Variants in BPIFB4 observed in about 807,000 individuals in gnomAD.
The protein encoded by BPIFB4 is BPI fold containing family B member 4.
BPIFB4 carries 62 observed loss-of-function variants against 69.2 expected under a neutral mutation model. The ratio of observed to expected loss-of-function variants is 0.90; its 90% confidence interval spans 0.73 to 1.11. BPIFB4 has a LOEUF of 1.11. BPIFB4 is among the 50% of genes least tolerant of loss of function. The probability of loss-of-function intolerance (pLI) is 0.00; values close to 1 mark genes in which losing one functional copy is unlikely to be tolerated. For missense variants in BPIFB4, 789 were observed against 792.0 expected, an observed-to-expected ratio of 1.00 and a Z score of 0.04; for synonymous variants, 330 against 332.7, an observed-to-expected ratio of 0.99 and a Z score of 0.09.
chr20:33,107,965 G>T, intron 17 of BPIFB4, 145 bp downstream of exon 17: 1 of 699,852 alleles, frequency 1.4e-6, no homozygotes, highest in Non-Finnish European at 2.5e-6. Flanking sequence ...TCCAAGCATG[G>T]GGCTGAGGGA....
chr20:33,089,806 T>C (rs1486914256), intron 9 of BPIFB4, among the ~76,000 whole-genome samples: 1 of 152,134 alleles, frequency 6.6e-6, no homozygotes, highest in Non-Finnish European at 1.5e-5. Context: ...GGCTCTGTCC[T>C]GGGAGTCAGG....
intron 8 of BPIFB4, 110 bp from the exon 9 acceptor site, chr20:33,089,388 A>G: frequency 6.5e-7 from 1 of 1,545,482 alleles, no homozygotes; most frequent in South Asian, 1.2e-5. Flanking sequence ...AGTGCCTGGC[A>G]CAGAGCAAGC....
At chr20:33,085,021 G>T (rs1057147634) in intron 6 of BPIFB4, 25 bp downstream of exon 6, 4 of 1,604,042 alleles carry the variant, frequency 2.5e-6, no homozygotes, top group Admixed American at 3.4e-5. Context: ...CCCTGGAGGG[G>T]TCCCCACCAC....
chr20:33,107,894 GCCAGGAA>G, intron 17 of BPIFB4, 74 bp downstream of exon 17: 1 of 1,328,954 alleles, frequency 7.5e-7, no homozygotes, highest in South Asian at 1.2e-5. Context: ...CTGCATTCAG[GCCAGGAA>G]CTTGGAAGAG....
chr20:33,105,984 C>G (rs1226915517), intron 16 of BPIFB4, among the ~76,000 whole-genome samples: 2 of 152,216 alleles, frequency 1.3e-5, no homozygotes, highest in Non-Finnish European at 1.5e-5. Flanking sequence ...CTCCGTAAAG[C>G]AGTCCCACAA....
At chr20:33,111,052 G>T (rs1369595107) in intron 17 of BPIFB4, among the ~76,000 whole-genome samples, 3 of 152,094 alleles carry the variant, frequency 2.0e-5, no homozygotes, top group African/African-American at 7.2e-5. Context: ...CTGACCTCAG[G>T]TGATCCACCT....
intron 17 of BPIFB4, 68 bp downstream of exon 17, chr20:33,107,888 A>T (rs1036486379): frequency 2.9e-6 from 4 of 1,376,712 alleles, no homozygotes; most frequent in Non-Finnish European, 4.1e-6. Context: ...TGACCACTGC[A>T]TTCAGGCCAG....
chr20:33,086,558 C>T (rs956839021), intron 7 of BPIFB4, among the ~76,000 whole-genome samples: 3 of 152,184 alleles, frequency 2.0e-5, no homozygotes, highest in African/African-American at 7.2e-5. Flanking sequence ...GCTCCAGTTT[C>T]CTCCTCTGTG....
chr20:33,111,280 G>C (rs1982230071), intron 17 of BPIFB4, 134 bp from the exon 18 acceptor site: 1 of 1,150,578 alleles, frequency 8.7e-7, no homozygotes, highest in South Asian at 1.3e-5. Context: ...GGGCCTGCAT[G>C]ACCCCTTTAT....
At chr20:33,107,213 TGAAA>T (rs1201867577) in intron 16 of BPIFB4, among the ~76,000 whole-genome samples, 1 of 46,270 alleles carries the variant, frequency 2.2e-5, no homozygotes, top group East Asian at 4.3e-4. Flanking sequence ...AAAAAAAAAA[TGAAA>T]GAAAGAAGGA....
At position 33,090,793 on chromosome 20, in the gene BPIFB4, C is replaced by T. The variant is rs372136166; in HGVS notation, c.1137C>T (p.Asp379=). The change falls in exon 10 of 18, where the codon GAC becomes GAT. Residue 379 remains aspartate (D), a synonymous_variant. Coordinates refer to ENST00000375483, the MANE Select transcript of BPIFB4 (RefSeq NM_182519.3). ...PLVTGEFLEL[D]LNTLVGEAGG... ...TGACCGGGGAATTCCTGGAGCTGGA[C>T]CTCAACGTGAGTGCCTGGGGTTCAG... 1 of 1,614,166 alleles carries T rather than the reference C, an allele frequency of 6.2e-7. No individual in the cohort carries two copies. Among genetic ancestry groups the T allele is most frequent in the Non-Finnish European group, 8.5e-7 (1 of 1,180,018 alleles).
chr20:33,090,155 G>A (rs924700232), intron 9 of BPIFB4, among the ~76,000 whole-genome samples: 2 of 152,212 alleles, frequency 1.3e-5, no homozygotes, highest in African/African-American at 4.8e-5. Flanking sequence ...CTCGAGTTGT[G>A]CAGTGCACAG....
intron 16 of BPIFB4, among the ~76,000 whole-genome samples, chr20:33,105,606 C>T (rs1316614266): frequency 6.6e-6 from 1 of 152,178 alleles, no homozygotes; most frequent in African/African-American, 2.4e-5. Context: ...TCACTGGGCC[C>T]CAGACTCTCT....
Position 33,089,403 on chromosome 20 carries a change from A to G in BPIFB4, c.991-95A>G, listed in dbSNP as rs536237654. The G allele has an allele frequency of 2.0e-5, 32 of 1,580,592 alleles. No homozygotes were observed. In the African/African-American group the frequency reaches 3.6e-4, roughly 18 times the overall value. On this transcript the variant is annotated intron_variant, in intron 8 of 17. Transcript: ENST00000375483. ...AGTGCCTGGCACAGAGCAAGCAGTC[A>G]GTAAATTTTAGCTATCGTTACTCTT...
rs759442393 is a variant in BPIFB4 at position 33,084,929 on chromosome 20, G to A, written c.715G>A (p.Val239Met). 71 of 1,610,714 alleles carry A rather than the reference G, an allele frequency of 4.4e-5. 1 individual carries two copies. The highest frequency in any genetic ancestry group is 5.4e-5 in the Non-Finnish European group (64 of 1,180,008). ...IVELTLPRVS[V>M]RLLPGVGVYL... is the part of the protein sequence containing the mutation. ...GGAGCTGACCCTCCCTCGGGTGTCC[G>A]TGCGGCTCCTGCCCGGCGTGGGTGT... Residue 239 changes from valine to methionine, a missense_variant, in exon 6 of 18, where the codon GTG becomes ATG. Coordinates refer to ENST00000375483, the MANE Select transcript of BPIFB4 (RefSeq NM_182519.3).
intron 17 of BPIFB4, among the ~76,000 whole-genome samples, chr20:33,110,813 GTT>G (rs1409074801): frequency 6.1e-5 from 7 of 114,238 alleles, no homozygotes; most frequent in Admixed American, 1.7e-4. Context: ...TTTTGTTGAA[GTT>G]TTTTTTTTTT....
intron 7 of BPIFB4, among the ~76,000 whole-genome samples, chr20:33,088,684 C>G (rs920226892): frequency 1.1e-4 from 17 of 152,234 alleles, no homozygotes; most frequent in African/African-American, 4.1e-4. Flanking sequence ...AGTTGAAAAT[C>G]AGCAACATTA....
At chr20:33,087,175 A>G (rs1045588486) in intron 7 of BPIFB4, among the ~76,000 whole-genome samples, 1 of 152,214 alleles carries the variant, frequency 6.6e-6, no homozygotes, top group East Asian at 1.9e-4. Flanking sequence ...CATTTTCACT[A>G]GGAAATAGAT....
chr20:33,103,432 C>T (rs1981960368), intron 15 of BPIFB4, among the ~76,000 whole-genome samples: 1 of 152,212 alleles, frequency 6.6e-6, no homozygotes, highest in East Asian at 1.9e-4. Flanking sequence ...TCAGTTTCCC[C>T]ATCTGTAAAA....
Sources: allele counts gnomAD v4.1 joint callset (sites outside exome capture counted in the v4.1 genomes callset), GRCh38; gene constraint gnomAD v4.1.1; transcripts MANE v1.5; gene names NCBI Gene and HGNC (gene_info 2026-07-23, HGNC 2026-07-21).